The following NEGR1 variants were observed in gnomAD, a reference collection of about 807,000 sequenced individuals.
NEGR1 encodes the protein IgLON family member 4.
NEGR1 carries 10 observed loss-of-function variants against 40.9 expected under a neutral mutation model. The observed-to-expected ratio is 0.24, with a 90% CI of 0.15 to 0.42. The LOEUF (loss-of-function observed/expected upper bound fraction) is 0.42. NEGR1 is among the 10% of genes least tolerant of loss of function. The pLI, the probability that NEGR1 is intolerant of heterozygous loss-of-function variation, is 1.00. For synonymous variants in NEGR1, 185 were observed against 166.8 expected (o/e 1.11, Z -0.84); for missense variants, 352 against 438.9 (o/e 0.80, Z 1.77).
At chr1:72,252,941 T>C (rs1165821701) in intron 1 of NEGR1, among the ~76,000 whole-genome samples, 1 of 152,236 alleles carries the variant, frequency 6.6e-6, no homozygotes, top group African/African-American at 2.4e-5. Context: ...TGTTGCTTAC[T>C]AAGAGAGATA....
intron 6 of NEGR1, among the ~76,000 whole-genome samples, chr1:71,452,970 C>T (rs1220465304): frequency 6.6e-6 from 1 of 152,052 alleles, no homozygotes; most frequent in Non-Finnish European, 1.5e-5. Context: ...ATACATAGGT[C>T]ATGAATACAT....
chr1:72,015,826 G>A (rs1029313153), intron 1 of NEGR1, among the ~76,000 whole-genome samples: 4 of 152,160 alleles, frequency 2.6e-5, no homozygotes, highest in South Asian at 2.1e-4. Context: ...CTGGTTTTGG[G>A]TCTGGCCACC....
At chr1:71,752,723 C>T (rs1269427680) in intron 3 of NEGR1, among the ~76,000 whole-genome samples, 2 of 149,518 alleles carry the variant, frequency 1.3e-5, no homozygotes, top group Non-Finnish European at 2.9e-5. Flanking sequence ...CATTCATGTA[C>T]CCTCTCACTT....
At chr1:71,529,349 T>C (rs1647290674) in intron 6 of NEGR1, among the ~76,000 whole-genome samples, 1 of 151,198 alleles carries the variant, frequency 6.6e-6, no homozygotes, top group Non-Finnish European at 1.5e-5. Context: ...GACCTAGGAA[T>C]ATAAAACCAG....
chr1:72,164,014 G>GT (rs1462263161), intron 1 of NEGR1, among the ~76,000 whole-genome samples: 1 of 142,858 alleles, frequency 7.0e-6, no homozygotes, highest in Non-Finnish European at 1.6e-5. Flanking sequence ...CTTCAGACAA[G>GT]TATTTTTTTT....
chr1:71,856,899 A>T (rs1384063389), intron 2 of NEGR1, among the ~76,000 whole-genome samples: 1 of 152,094 alleles, frequency 6.6e-6, no homozygotes, highest in Non-Finnish European at 1.5e-5. Context: ...CAAGATATAT[A>T]TGTTTTCATG....
chr1:71,435,164 CGTT>C (rs747521896), intron 6 of NEGR1, among the ~76,000 whole-genome samples: 9 of 151,740 alleles, frequency 5.9e-5, no homozygotes, highest in African/African-American at 9.7e-5. Flanking sequence ...GGGGCAAAAA[CGTT>C]GTACTTTTTG....
chr1:71,745,718 C>G (rs1655359660), intron 3 of NEGR1, among the ~76,000 whole-genome samples: 1 of 152,046 alleles, frequency 6.6e-6, no homozygotes, highest in Non-Finnish European at 1.5e-5. Context: ...TCTCTCTCAC[C>G]ATTGCAGTGA....
intron 6 of NEGR1, among the ~76,000 whole-genome samples, chr1:71,550,765 T>C (rs1028729314): frequency 2.0e-5 from 3 of 151,636 alleles, no homozygotes; most frequent in African/African-American, 7.2e-5. Flanking sequence ...TAGGAAAATC[T>C]ACCCATAGGG....
rs369854694 is a variant in NEGR1 at position 71,683,986 on chromosome 1, C to T, written c.667+14022G>A. On this transcript the variant is annotated intron_variant, in intron 4 of 6. Coordinates refer to ENST00000357731, the MANE Select transcript of NEGR1 (RefSeq NM_173808.3). The stretch of plus-strand genomic sequence containing the variant: ...GTCTGAGGATACAAGATTTAAAATG[C>T]GGGGCTGAGTGCAGTGGCTCACGCC... Among the ~76,000 whole-genome samples, 37 of 152,030 alleles carry T rather than the reference C, an allele frequency of 2.4e-4. No homozygotes were observed. In the East Asian group the frequency reaches 2.9e-3, roughly 12 times the overall value.
intron 1 of NEGR1, among the ~76,000 whole-genome samples, chr1:71,981,624 C>T (rs988576791): frequency 1.3e-5 from 2 of 152,048 alleles, no homozygotes; most frequent in Non-Finnish European, 2.9e-5. Flanking sequence ...TATGGGAGAC[C>T]TATCAGGTGA....
chr1:71,994,444 C>T (rs1388807225), intron 1 of NEGR1, among the ~76,000 whole-genome samples: 1 of 151,932 alleles, frequency 6.6e-6, no homozygotes, highest in Admixed American at 6.6e-5. Context: ...AGGAGAATGG[C>T]CTGAACCCGG....
intron 1 of NEGR1, among the ~76,000 whole-genome samples, chr1:72,044,922 C>T (rs554796279): frequency 2.1e-4 from 32 of 151,794 alleles, no homozygotes; most frequent in Admixed American, 1.4e-3. Context: ...AATACATATC[C>T]GAGGTCATGC....
intron 3 of NEGR1, among the ~76,000 whole-genome samples, chr1:71,702,726 T>TTA (rs368734571): frequency 1.4e-5 from 2 of 141,864 alleles, no homozygotes; most frequent in South Asian, 2.2e-4. Context: ...AAAACTTATT[T>TTA]AAAAAAAAAA....
chr1:71,427,841 G>C (rs996024176), intron 6 of NEGR1, among the ~76,000 whole-genome samples: 1 of 152,114 alleles, frequency 6.6e-6, no homozygotes, highest in African/African-American at 2.4e-5. Flanking sequence ...ACAATCACAT[G>C]AGAGTAAAGA....
intron 1 of NEGR1, among the ~76,000 whole-genome samples, chr1:72,070,480 A>G (rs1054824366): frequency 6.6e-6 from 1 of 152,024 alleles, no homozygotes; most frequent in East Asian, 1.9e-4. Context: ...CCATGTTTCA[A>G]TTTTATTGCT....
chr1:71,819,782 G>T (rs984513514), intron 2 of NEGR1, among the ~76,000 whole-genome samples: 9 of 151,996 alleles, frequency 5.9e-5, no homozygotes, highest in African/African-American at 1.7e-4. Context: ...GCCCTGGTAG[G>T]CTCTGGAGGA....
At chr1:71,496,451 G>A (rs369532674) in intron 6 of NEGR1, among the ~76,000 whole-genome samples, 28 of 152,094 alleles carry the variant, frequency 1.8e-4, no homozygotes, top group African/African-American at 6.8e-4. Context: ...TAGAAAGAAG[G>A]AAGGTATTCG....
chr1:71,573,352 G>T (rs1376806218), intron 6 of NEGR1: 1 of 152,194 alleles, frequency 6.6e-6, no homozygotes, highest in Non-Finnish European at 1.5e-5. Context: ...TTTTTTAGAT[G>T]AATTAATCAA....
Sources: gnomAD v4.1 joint callset for allele counts (sites outside exome capture counted in the v4.1 genomes callset) on GRCh38, gnomAD v4.1.1 for gene constraint, MANE v1.5 for transcripts, NCBI Gene and HGNC (gene_info 2026-07-23, HGNC 2026-07-21) for gene names.